Variants in EGF observed in about 807,000 individuals in gnomAD.
EGF encodes the protein epidermal growth factor.
Under a neutral mutation model 143.8 loss-of-function variants are expected in EGF, and 95 were observed. That is an observed-to-expected ratio of 0.66 (90% confidence interval 0.56 to 0.78). EGF has a LOEUF of 0.78. Ranked by LOEUF, EGF falls within the 30% of genes least tolerant of loss-of-function variation. EGF has a pLI of 0.00. For synonymous variants in EGF, 510 were observed against 510.5 expected, an observed-to-expected ratio of 1.00 and a Z score of 0.01; for missense variants, 1,320 against 1,470.9, an observed-to-expected ratio of 0.90 and a Z score of 1.68.
At chr4:109,966,038 A>AAT (rs1553937221) in intron 10 of EGF, among the ~76,000 whole-genome samples, 92 of 150,476 alleles carry the variant, frequency 6.1e-4, no homozygotes, top group Admixed American at 1.3e-3. Context: ...TCTTTAAAAA[A>AAT]ATATATATAT....
intron 1 of EGF, among the ~76,000 whole-genome samples, chr4:109,916,635 T>C (rs548719888): frequency 3.3e-5 from 5 of 152,280 alleles, no homozygotes; most frequent in African/African-American, 1.2e-4. Flanking sequence ...TTTTTTAATG[T>C]GGTGATTCTA....
Position 109,955,845 on chromosome 4 carries a change from C to T in EGF, c.941-3467C>T, listed in dbSNP as rs555757081. Among the ~76,000 whole-genome samples the T allele has an allele frequency of 1.5e-3, 226 of 152,180 alleles. 1 individual carries two copies. Among genetic ancestry groups the T allele is most frequent in the Non-Finnish European group, 6.6e-4 (45 of 68,010 alleles). Reference sequence around the variant, plus strand: ...AATGTGAATAGGGCACATGCCTTATCCTCAGAAGTTTATCAATGGAAAAAA... The same window carrying T: ...AATGTGAATAGGGCACATGCCTTATTCTCAGAAGTTTATCAATGGAAAAAA... On this transcript the variant is annotated intron_variant, in intron 5 of 23. Coordinates refer to ENST00000265171, the MANE Select transcript of EGF (RefSeq NM_001963.6).
chr4:109,987,992 T>TAA (rs1257155021), intron 17 of EGF, 132 bp downstream of exon 17: 6,614 of 579,852 alleles, frequency 0.011, 233 homozygotes, highest in African/African-American at 0.1. Flanking sequence ...TGATGTTAGC[T>TAA]AAAAAAAAAA....
At chr4:109,989,626 T>G (rs1043443508) in intron 18 of EGF, among the ~76,000 whole-genome samples, 1 of 152,226 alleles carries the variant, frequency 6.6e-6, no homozygotes, top group Non-Finnish European at 1.5e-5. Flanking sequence ...AACACTCTTT[T>G]AAGCACATAT....
intron 2 of EGF, among the ~76,000 whole-genome samples, chr4:109,942,082 C>T (rs1184675124): frequency 6.6e-6 from 1 of 152,234 alleles, no homozygotes; most frequent in Non-Finnish European, 1.5e-5. Context: ...ACTTGCTAAT[C>T]TCACTTTTAA....
intron 20 of EGF, among the ~76,000 whole-genome samples, chr4:109,996,793 C>T (rs527560818): frequency 2.1e-4 from 32 of 152,290 alleles, no homozygotes; most frequent in African/African-American, 6.5e-4. Context: ...AGGTATTCCT[C>T]GAAGATTTCC....
rs11569116 is a variant in EGF, at chr4:110,007,730, A to G, written c.3292-422A>G. Reference sequence around the variant, plus strand: ...TACTCAGAACTTGGTAGCATGTTTAAATGAGTGTTATTAATGTGTGTGTGC... The same window carrying G: ...TACTCAGAACTTGGTAGCATGTTTAGATGAGTGTTATTAATGTGTGTGTGC... On this transcript the variant is annotated intron_variant, in intron 22 of 23. Transcript: ENST00000265171. Among the ~76,000 whole-genome samples, 969 of 152,196 alleles carry G rather than the reference A, an allele frequency of 6.4e-3. 12 individuals are homozygous for G. Among genetic ancestry groups the G allele is most frequent in the African/African-American group, 0.022 (917 of 41,502 alleles).
At chr4:109,970,824 C>CAAAAAAAAAAAAAAAAAAA (rs371512157) in intron 11 of EGF, among the ~76,000 whole-genome samples, 3 of 72,972 alleles carry the variant, frequency 4.1e-5, no homozygotes, top group African/African-American at 1.7e-4. Context: ...GACTCCGTCT[C>CAAAAAAAAAAAAAAAAAAA]AAAAAAAAAA....
chr4:109,959,221 G>T (rs1407606811), intron 5 of EGF, 91 bp from the exon 6 acceptor site: 59 of 1,583,610 alleles, frequency 3.7e-5, no homozygotes, highest in Non-Finnish European at 4.8e-5. Flanking sequence ...ACGTTGTAGG[G>T]AGGTAAGACC....
At chr4:110,001,504 C>T (rs568871879) in intron 21 of EGF, 24 of 437,770 alleles carry the variant, frequency 5.5e-5, no homozygotes, top group African/African-American at 5.1e-4. Flanking sequence ...AATGGTTCAT[C>T]CCATTGGATC....
At position 110,011,522 on chromosome 4, in the gene EGF, A is replaced by G. The variant is rs572682450; in HGVS notation, c.*67A>G. 7.3e-4 allele frequency: 1,170 copies of G among 1,611,652 alleles called. 9 individuals carry two copies. Among genetic ancestry groups the G allele is most frequent in the Non-Finnish European group, 1.5e-4 (179 of 1,179,378 alleles). ...CGATGCACAGTATCTTTTCTTTCAA[A>G]AGTAGAGCAAAACTATAGGTTTTGG... On this transcript the variant is annotated 3_prime_UTR_variant, in exon 24 of 24. Coordinates refer to ENST00000265171, the MANE Select transcript of EGF (RefSeq NM_001963.6).
chr4:109,923,226 C>G (rs889643338), intron 1 of EGF, among the ~76,000 whole-genome samples: 1 of 150,942 alleles, frequency 6.6e-6, no homozygotes, highest in Non-Finnish European at 1.5e-5. Flanking sequence ...TAGGTAAGGC[C>G]CAGAACTTAA....
At chr4:109,935,429 C>T (rs1246695311) in intron 1 of EGF, among the ~76,000 whole-genome samples, 6 of 152,130 alleles carry the variant, frequency 3.9e-5, no homozygotes, top group Non-Finnish European at 5.9e-5. Flanking sequence ...GCTGAAGTTG[C>T]CTATCAGCTT....
At chr4:109,988,452 C>A in intron 17 of EGF, 132 bp from the exon 18 acceptor site, 2 of 1,327,516 alleles carry the variant, frequency 1.5e-6, no homozygotes, top group Non-Finnish European at 2.1e-6. Flanking sequence ...GCAGGGCGTG[C>A]CTGATGTTGG....
intron 5 of EGF, among the ~76,000 whole-genome samples, chr4:109,958,612 C>G (rs1445771095): frequency 6.6e-6 from 1 of 152,120 alleles, no homozygotes; most frequent in Non-Finnish European, 1.5e-5. Flanking sequence ...GCTTACATAT[C>G]TAACCTATAA....
intron 5 of EGF, among the ~76,000 whole-genome samples, chr4:109,951,574 CA>C (rs1743937969): frequency 6.6e-6 from 1 of 152,114 alleles, no homozygotes; most frequent in Non-Finnish European, 1.5e-5. Context: ...TGCATGGGTA[CA>C]AAATTATCTG....
intron 23 of EGF, 27 bp downstream of exon 23, chr4:110,008,257 G>A (rs772773867): frequency 1.2e-5 from 20 of 1,613,374 alleles, no homozygotes; most frequent in Middle Eastern, 3.3e-4. Context: ...GGCTCCTGGT[G>A]AATGGTTATT....
rs1271720095 is a variant in EGF, at chr4:109,959,357, T to G, written c.986T>G (p.Val329Gly). The change falls in exon 6 of 24, where the codon GTG becomes GGG. Residue 329 changes from valine to glycine, a missense_variant. By Grantham distance (109) the Val-to-Gly change is moderately radical. Transcript: ENST00000265171. ...AGGAAAGGAAACTGCAGCAGCACTGTGTGTGGGCAAGACCTCCAGTCACAC... is the reference window on the plus strand; with the variant it reads ...AGGAAAGGAAACTGCAGCAGCACTGGGTGTGGGCAAGACCTCCAGTCACAC... ...KLRKGNCSST[V>G]CGQDLQSHLC... is the part of the protein sequence containing the mutation. 6.2e-7 allele frequency: 1 copy of G among 1,613,500 alleles called. No individual in the cohort carries two copies. The highest frequency in any genetic ancestry group is 1.7e-5 in the Admixed American group (1 of 59,978).
chr4:109,989,910 C>T (rs1296201732), intron 18 of EGF, among the ~76,000 whole-genome samples: 1 of 152,004 alleles, frequency 6.6e-6, no homozygotes, highest in Admixed American at 6.6e-5. Context: ...ATTCTCTCTC[C>T]CCCAGCTCAC....
Sources: gnomAD v4.1 joint callset for allele counts (sites outside exome capture counted in the v4.1 genomes callset) on GRCh38, gnomAD v4.1.1 for gene constraint, MANE v1.5 for transcripts, NCBI Gene and HGNC (gene_info 2026-07-23, HGNC 2026-07-21) for gene names.